The following PPP2R2B variants were observed in gnomAD, a reference collection of about 807,000 sequenced individuals.
The protein encoded by PPP2R2B is serine/threonine-protein phosphatase 2A 55 kDa regulatory subunit B beta isoform.
A neutral mutation model predicts 46.0 loss-of-function variants in PPP2R2B; 5 were observed. The ratio of observed to expected loss-of-function variants is 0.11; its 90% CI spans 0.06 to 0.23. PPP2R2B has a LOEUF of 0.23. Among genes scored for constraint, PPP2R2B ranks in the 10% least tolerant of loss-of-function variants. The pLI, the probability that PPP2R2B is intolerant of heterozygous loss-of-function variation, is 1.00. For synonymous variants in PPP2R2B, 215 were observed against 206.7 expected (o/e 1.04, Z -0.34); for missense variants, 367 against 575.0 (o/e 0.64, Z 3.70).
chr5:146,727,846 A>T (rs985087549), intron 2 of PPP2R2B, among the ~76,000 whole-genome samples: 1 of 151,886 alleles, frequency 6.6e-6, no homozygotes, highest in African/African-American at 2.4e-5. Flanking sequence ...CCCATACCCA[A>T]TTGCTCCCCC....
chr5:146,861,054 C>CT (rs1211197915), intron 2 of PPP2R2B, among the ~76,000 whole-genome samples: 1,390 of 101,644 alleles, frequency 0.014, 24 homozygotes, highest in Admixed American at 0.044. Context: ...TGAATTTTTT[C>CT]TTTTTTTTTT....
At chr5:146,786,366 C>T (rs1755838240) in intron 2 of PPP2R2B, among the ~76,000 whole-genome samples, 1 of 152,106 alleles carries the variant, frequency 6.6e-6, no homozygotes, top group African/African-American at 2.4e-5. Context: ...CCCAGGTTGC[C>T]AAGTGAAGCG....
chr5:146,770,330 CAAAAAAAAAAA>C (rs5871992), intron 2 of PPP2R2B, among the ~76,000 whole-genome samples: 4 of 60,068 alleles, frequency 6.7e-5, no homozygotes, highest in African/African-American at 1.6e-4. Context: ...GATTCCGTCT[CAAAAAAAAAAA>C]AAAAAAAAAA....
At chr5:147,010,770 G>C (rs1366948733) in intron 1 of PPP2R2B, among the ~76,000 whole-genome samples, 3 of 152,028 alleles carry the variant, frequency 2.0e-5, no homozygotes, top group South Asian at 4.2e-4. Context: ...GGGAGTTGGG[G>C]ACCCTGATCT....
At chr5:147,014,536 C>G (rs1242620147) in intron 1 of PPP2R2B, among the ~76,000 whole-genome samples, 1 of 152,068 alleles carries the variant, frequency 6.6e-6, no homozygotes, top group Non-Finnish European at 1.5e-5. Context: ...CACATATACA[C>G]CATGGAATAC....
At position 146,995,218 on chromosome 5, in the gene PPP2R2B, A is replaced by T. The variant is rs181977009; in HGVS notation, c.79+60447T>A. Among the ~76,000 whole-genome samples the T allele has an allele frequency of 1.9e-3, 290 of 152,300 alleles. 5 individuals carry two copies. The highest frequency in any genetic ancestry group is 0.017 in the Admixed American group (267 of 15,302). ...CCAGTGGGTTTTACTTTCAAGCTAT[A>T]TGTTTCCATAGTAATCAGTATTCAT... is the stretch of plus-strand genomic sequence containing the variant. On this transcript the variant is annotated intron_variant, in intron 1 of 8. Coordinates refer to the PPP2R2B transcript ENST00000336640.
chr5:147,038,160 T>C (rs1429262617), intron 1 of PPP2R2B, among the ~76,000 whole-genome samples: 2 of 152,178 alleles, frequency 1.3e-5, no homozygotes, highest in African/African-American at 4.8e-5. Flanking sequence ...AAGAAGTTAT[T>C]GAGCTCTATT....
intron 1 of PPP2R2B, among the ~76,000 whole-genome samples, chr5:146,923,676 C>A (rs1763685312): frequency 6.6e-6 from 1 of 152,136 alleles, no homozygotes; most frequent in Non-Finnish European, 1.5e-5. Flanking sequence ...CCTCAAAGAC[C>A]TAAAATCAGA....
At chr5:146,809,529 C>A (rs1474734702) in intron 2 of PPP2R2B, among the ~76,000 whole-genome samples, 3 of 151,686 alleles carry the variant, frequency 2.0e-5, no homozygotes, top group South Asian at 4.2e-4. Context: ...AGAAAGGAGG[C>A]CTTATTTAGA....
chr5:147,074,925 T>C (rs1757716463), intron 2 of PPP2R2B, among the ~76,000 whole-genome samples: 1 of 152,132 alleles, frequency 6.6e-6, no homozygotes, highest in South Asian at 2.1e-4. Flanking sequence ...ACAGAATAAA[T>C]GCCACAATTA....
intron 2 of PPP2R2B, among the ~76,000 whole-genome samples, chr5:146,787,850 G>A (rs1755941602): frequency 6.6e-6 from 1 of 152,196 alleles, no homozygotes; most frequent in African/African-American, 2.4e-5. Context: ...TTACAGGCGT[G>A]AGCCACCATG....
intron 1 of PPP2R2B, among the ~76,000 whole-genome samples, chr5:147,020,053 T>C (rs1451738492): frequency 6.6e-6 from 1 of 152,198 alleles, no homozygotes; most frequent in Non-Finnish European, 1.5e-5. Flanking sequence ...TCAACTCTGA[T>C]GCTCTTTCTA....
chr5:146,701,093 C>A lies in PPP2R2B; in HGVS notation c.120G>T (p.Ala40=), dbSNP rs752717595. ...CAACCCGACCCCCCTTGTCCCCTGT[C>A]GCTAGTAATTCTCCCGTGTGGTTGA... The part of the protein sequence containing the change: ...VEFNHTGELL[A]TGDKGGRVVI... The change falls in exon 3 of 10, where the codon GCG becomes GCT. Residue 40 remains alanine, a synonymous_variant. Transcript: ENST00000394411. 1 of 1,613,914 alleles carries A rather than the reference C, an allele frequency of 6.2e-7. No individual in the cohort carries two copies. Among genetic ancestry groups the A allele is most frequent in the Admixed American group, 1.7e-5 (1 of 59,992 alleles).
At position 146,812,815 on chromosome 5, in the gene PPP2R2B, A is replaced by ATATATATATATATG. The variant is rs1554140186; in HGVS notation, c.70+65186_70+65187insCATATATATATATA. 1.2e-3 allele frequency among the ~76,000 whole-genome samples: 44 copies of ATATATATATATATG among 35,632 alleles called. 8 individuals are homozygous for ATATATATATATATG. Among genetic ancestry groups the ATATATATATATATG allele is most frequent in the Non-Finnish European group, 2.0e-3 (32 of 15,728 alleles). The allele number at this position is 35,632 out of a possible 152,430, so 23.4% of individuals were successfully genotyped here. The stretch of plus-strand genomic sequence containing the variant: ...TGTGTATATATATATATATATATAT[A>ATATATATATATATG]TATATATATATATACACACACATTT... On this transcript the variant is annotated intron_variant, in intron 2 of 9. Coordinates refer to ENST00000394411, the MANE Select transcript of PPP2R2B (RefSeq NM_181675.4).
At chr5:146,865,418 A>C (rs951919102) in intron 2 of PPP2R2B, among the ~76,000 whole-genome samples, 3 of 152,054 alleles carry the variant, frequency 2.0e-5, no homozygotes, top group African/African-American at 7.2e-5. Flanking sequence ...TCTCTTTTAG[A>C]ATTTTCTGTA....
chr5:147,020,618 A>G (rs1755214011), intron 1 of PPP2R2B, among the ~76,000 whole-genome samples: 1 of 152,144 alleles, frequency 6.6e-6, no homozygotes, highest in Non-Finnish European at 1.5e-5. Flanking sequence ...GTGCTTGAAA[A>G]GTTGCTTGAC....
At chr5:146,946,594 A>G (rs1240399964) in intron 1 of PPP2R2B, among the ~76,000 whole-genome samples, 1 of 152,172 alleles carries the variant, frequency 6.6e-6, no homozygotes, top group African/African-American at 2.4e-5. Flanking sequence ...TAGAACTGTT[A>G]GGCCGAAAGA....
chr5:146,655,879 G>A (rs1395579252), intron 5 of PPP2R2B, among the ~76,000 whole-genome samples: 1 of 151,830 alleles, frequency 6.6e-6, no homozygotes, highest in Non-Finnish European at 1.5e-5. Context: ...CTTGAAGGGT[G>A]GGTGGGAGGT....
chr5:146,870,393 G>A (rs573784915), intron 2 of PPP2R2B, among the ~76,000 whole-genome samples: 1 of 152,176 alleles, frequency 6.6e-6, no homozygotes, highest in South Asian at 2.1e-4. Flanking sequence ...AAAAATGCCA[G>A]AGATTGCGCT....
Sources: gnomAD v4.1 joint callset for allele counts (sites outside exome capture counted in the v4.1 genomes callset) on GRCh38, gnomAD v4.1.1 for gene constraint, MANE v1.5 for transcripts, NCBI Gene and HGNC (gene_info 2026-07-23, HGNC 2026-07-21) for gene names.